Variants in FAM135A observed in about 807,000 individuals in gnomAD.
FAM135A encodes protein FAM135A.
A neutral mutation model predicts 146.8 loss-of-function variants in FAM135A; 79 were observed. The observed-to-expected ratio is 0.54, with a 90% CI of 0.45 to 0.65. The LOEUF is 0.65. FAM135A is among the 30% of genes least tolerant of loss of function. FAM135A has a pLI of 0.00. For missense variants in FAM135A, 1,623 were observed against 1,758.2 expected (o/e 0.92, Z 1.38); for synonymous variants, 562 against 603.6 (o/e 0.93, Z 1.01).
rs1385161565 is a variant in FAM135A at position 70,427,734 on chromosome 6, GCTTGTCTATTTTCTTTT to G, written c.-39-566_-39-550del. Among the ~76,000 whole-genome samples, 4 of 152,022 alleles carry G rather than the reference GCTTGTCTATTTTCTTTT, an allele frequency of 2.6e-5. No homozygotes were observed. The South Asian group carries it at 8.3e-4, about 32-fold the overall frequency. ...GGAATTGTGAATGTTTTCTATTTGT[GCTTGTCTATTTTCTTTT>G]CTTCAACTTCTTTGCAATTGAATAC... On this transcript the variant is annotated intron_variant, in intron 3 of 21. Coordinates refer to ENST00000418814, the MANE Select transcript of FAM135A (RefSeq NM_001162529.3).
At chr6:70,473,618 C>A (rs1782036902) in intron 5 of FAM135A, among the ~76,000 whole-genome samples, 2 of 152,086 alleles carry the variant, frequency 1.3e-5, no homozygotes, top group African/African-American at 4.8e-5. Context: ...ATGTGCCAAT[C>A]TCCTGTCACT....
intron 9 of FAM135A, among the ~76,000 whole-genome samples, chr6:70,481,363 C>T (rs1210346188): frequency 1.3e-5 from 2 of 152,098 alleles, no homozygotes; most frequent in Admixed American, 6.6e-5. Context: ...CGTAGAGTAG[C>T]GCAGGCCAGG....
At chr6:70,457,318 C>A (rs1778557905) in intron 5 of FAM135A, among the ~76,000 whole-genome samples, 1 of 152,142 alleles carries the variant, frequency 6.6e-6, no homozygotes, top group Non-Finnish European at 1.5e-5. Flanking sequence ...TTGATAGTGA[C>A]AGGGTGGTGC....
chr6:70,474,097 C>T (rs1457167336), intron 5 of FAM135A, among the ~76,000 whole-genome samples: 1 of 152,104 alleles, frequency 6.6e-6, no homozygotes, highest in African/African-American at 2.4e-5. Flanking sequence ...CATCAGGCCA[C>T]CACCCCATGT....
chr6:70,542,277 C>CACACACACACA (rs35407465), intron 20 of FAM135A, among the ~76,000 whole-genome samples: 8 of 146,974 alleles, frequency 5.4e-5, no homozygotes, highest in Middle Eastern at 3.5e-3. Flanking sequence ...CACACACACA[C>CACACACACACA]CCTTTGCTGT....
rs568674023 is a variant in FAM135A, at chr6:70,452,433, G to A, written c.78-59G>A. 84 of 1,213,700 alleles carry A rather than the reference G, an allele frequency of 6.9e-5. No individual in the cohort carries two copies. In the East Asian group the frequency reaches 1.4e-3, roughly 20 times the overall value. 75.2% of individuals were successfully genotyped at this position (1,213,700 alleles called of 1,614,324 possible). ...TAATATGGATACAAATGTGGAAGTC[G>A]GGGCATTGCATATTTTTAAATATGT... On this transcript the variant is annotated intron_variant, in intron 4 of 21. Coordinates refer to ENST00000418814, the MANE Select transcript of FAM135A (RefSeq NM_001162529.3).
Position 70,556,779 on chromosome 6 carries a change from G to A in FAM135A, c.4258G>A (p.Val1420Met). The A allele has an allele frequency of 1.2e-6, 2 of 1,612,676 alleles. No individual in the cohort carries two copies. The highest frequency in any genetic ancestry group is 1.7e-6 in the Non-Finnish European group (2 of 1,179,498). ...GLHYFKNVVL[V>M]GSLQDRYVPY... ...TCATTATTTCAAAAATGTTGTGCTA[G>A]TGGGATCCCTACAGGATCGCTATGT... Residue 1420 changes from valine to methionine, a missense_variant, in exon 21 of 22, where the codon GTG becomes ATG. Physicochemically the swap from Val to Met is conservative, Grantham distance 21. Transcript: ENST00000418814.
chr6:70,534,646 G>C (rs1796482736), intron 18 of FAM135A, among the ~76,000 whole-genome samples: 1 of 152,094 alleles, frequency 6.6e-6, no homozygotes, highest in Non-Finnish European at 1.5e-5. Context: ...TTGTGAGTCA[G>C]TTTTCCACAA....
intron 4 of FAM135A, among the ~76,000 whole-genome samples, chr6:70,448,970 G>A (rs905869695): frequency 6.6e-6 from 1 of 152,214 alleles, no homozygotes; most frequent in Admixed American, 6.5e-5. Context: ...GCCATCACAT[G>A]TCACATTGCT....
Position 70,525,814 on chromosome 6 carries a change from A to G in FAM135A, c.2730A>G (p.Ile910Met). Residue 910 changes from isoleucine to methionine, a missense_variant, in exon 15 of 22, where the codon ATA (isoleucine) becomes ATG (methionine). Transcript: ENST00000418814. ...ACTTGGACAATGAAACTGTAGCAATACATTCCTTAAATTCAAGCATTAAAG... is the reference window on the plus strand; with the variant it reads ...ACTTGGACAATGAAACTGTAGCAATGCATTCCTTAAATTCAAGCATTAAAG... ...SGNLDNETVAIHSLNSSIKDP... is the reference protein window; with the variant it reads ...SGNLDNETVAMHSLNSSIKDP... The G allele has an allele frequency of 6.2e-7, 1 of 1,612,964 alleles. No individual in the cohort carries two copies. The highest frequency in any genetic ancestry group is 8.5e-7 in the Non-Finnish European group (1 of 1,179,526).
At chr6:70,482,303 C>A in intron 10 of FAM135A, 149 bp downstream of exon 10, 1 of 733,870 alleles carries the variant, frequency 1.4e-6, no homozygotes, top group Non-Finnish European at 2.0e-6. Context: ...CTTTTTCTAC[C>A]TTGATAATCA....
intron 11 of FAM135A, 77 bp downstream of exon 11, chr6:70,491,160 G>A: frequency 8.1e-7 from 1 of 1,234,988 alleles, no homozygotes; most frequent in Non-Finnish European, 1.2e-6. Flanking sequence ...TTTTGTCTAT[G>A]AAAACTTAAA....
At chr6:70,555,596 TAG>T (rs1800688092) in intron 20 of FAM135A, among the ~76,000 whole-genome samples, 1 of 152,080 alleles carries the variant, frequency 6.6e-6, no homozygotes, top group South Asian at 2.1e-4. Flanking sequence ...ATCTACACCA[TAG>T]AGAGTCTTAG....
chr6:70,533,651 C>A, intron 17 of FAM135A, 106 bp from the exon 18 acceptor site: 1 of 692,276 alleles, frequency 1.4e-6, no homozygotes, highest in Non-Finnish European at 2.3e-6. Context: ...AAACATTGAA[C>A]TTAACCATAC....
At position 70,491,062 on chromosome 6, in the gene FAM135A, T is replaced by G. The variant is rs372475278; in HGVS notation, c.852T>G (p.Thr284=). The change falls in exon 11 of 22, where the codon ACT becomes ACG. Residue 284 remains threonine (T), a synonymous_variant. Transcript: ENST00000418814. ...AAATGGATGTAGAAGCTCGACTTACTGAACTATGTGAAGAAGTTAAGGTAC... is the reference window on the plus strand; with the variant it reads ...AAATGGATGTAGAAGCTCGACTTACGGAACTATGTGAAGAAGTTAAGGTAC... ...LEEMDVEARL[T]ELCEEVKKIE... 28 of 1,602,826 alleles carry G rather than the reference T, an allele frequency of 1.7e-5. No homozygotes were observed. The African/African-American group carries it at 2.4e-4, about 14-fold the overall frequency.
chr6:70,533,151 A>C lies in FAM135A; in HGVS notation c.3776-9A>C. ...TCTCATCCTTTAAACATCATTTTTC[A>C]TTTTTTAGGAAACAGTGCAGATCTC... On this transcript the variant is annotated splice_polypyrimidine_tract_variant and intron_variant, in intron 16 of 21. Transcript: ENST00000418814. 4 of 1,607,274 alleles carry C rather than the reference A, an allele frequency of 2.5e-6. No homozygotes were observed. The highest frequency in any genetic ancestry group is 3.4e-6 in the Non-Finnish European group (4 of 1,174,612).
chr6:70,477,303 A>G lies in FAM135A; in HGVS notation c.513A>G (p.Ser171=), dbSNP rs747005006. 2 of 1,613,024 alleles carry G rather than the reference A, an allele frequency of 1.2e-6. No individual in the cohort carries two copies. Among genetic ancestry groups the G allele is most frequent in the African/African-American group, 1.3e-5 (1 of 74,886 alleles). Residue 171 remains serine (S), a synonymous_variant, in exon 8 of 22, where the codon TCA becomes TCG. Transcript: ENST00000418814. The stretch of plus-strand genomic sequence containing the variant: ...TTGTGTCTGTTACAGTTCATGCATC[A>G]TTGGTTGCACTACACCAGCCACTAA... The part of the protein sequence containing the change: ...LSVVSVTVHA[S]LVALHQPLIS...
chr6:70,536,284 T>C lies in FAM135A; in HGVS notation c.3990T>C (p.Asn1330=), dbSNP rs754816398. 1 of 1,608,838 alleles carries C rather than the reference T, an allele frequency of 6.2e-7. No individual in the cohort carries two copies. The highest frequency in any genetic ancestry group is 1.1e-5 in the South Asian group (1 of 89,504). ...KISFIGHSLG[N]LIIRSVLTRP... is the part of the protein sequence containing the mutation. ...GCTTTATTGGACATTCGTTGGGCAA[T>C]TTAATAATTCGTTCAGTGCTTACAA... Residue 1330 remains asparagine (N), a synonymous_variant, in exon 19 of 22, where the codon AAT becomes AAC. Transcript: ENST00000418814.
chr6:70,507,726 A>G (rs1332916141), intron 12 of FAM135A, among the ~76,000 whole-genome samples: 2 of 152,146 alleles, frequency 1.3e-5, no homozygotes, highest in African/African-American at 2.4e-5. Flanking sequence ...TTCATGCTAC[A>G]TCATAGAGAC....
Sources: allele counts gnomAD v4.1 joint callset (sites outside exome capture counted in the v4.1 genomes callset), GRCh38; gene constraint gnomAD v4.1.1; transcripts MANE v1.5; gene names NCBI Gene and HGNC (gene_info 2026-07-23, HGNC 2026-07-21).